Variants in LRP1B observed in about 807,000 individuals in gnomAD.
The protein encoded by LRP1B is low-density lipoprotein receptor-related protein 1B.
LRP1B carries 217 observed loss-of-function variants against 556.6 expected under a neutral mutation model. The observed-to-expected ratio is 0.39, with a 90% CI of 0.35 to 0.44. The LOEUF is 0.44. Ranked by LOEUF, LRP1B falls within the 20% of genes least tolerant of loss-of-function variation. The pLI, the probability that LRP1B is intolerant of heterozygous loss-of-function variation, is 1.00. For missense variants in LRP1B, 5,053 were observed against 5,620.8 expected (o/e 0.90, Z 3.23); for synonymous variants, 2,047 against 1,865.8 (o/e 1.10, Z -2.50).
At chr2:140,416,933 C>T (rs1252923938) in intron 66 of LRP1B, among the ~76,000 whole-genome samples, 1 of 152,142 alleles carries the variant, frequency 6.6e-6, no homozygotes, top group Non-Finnish European at 1.5e-5. Context: ...CTGAGAGCTT[C>T]TTTCAAAAAG....
intron 43 of LRP1B, among the ~76,000 whole-genome samples, chr2:140,587,215 T>C (rs1682022050): frequency 6.6e-6 from 1 of 152,088 alleles, no homozygotes. Context: ...CAGTGACCTG[T>C]GAGACTATAG....
chr2:140,317,821 G>A (rs773256274), intron 82 of LRP1B, among the ~76,000 whole-genome samples: 8 of 152,112 alleles, frequency 5.3e-5, no homozygotes, highest in African/African-American at 1.4e-4. Flanking sequence ...GGGCATGCGC[G>A]TTACTATAAC....
intron 2 of LRP1B, among the ~76,000 whole-genome samples, chr2:141,581,117 G>T (rs1206186367): frequency 1.3e-5 from 2 of 152,156 alleles, no homozygotes; most frequent in Non-Finnish European, 2.9e-5. Context: ...ATGCAAATAA[G>T]GCTTTTTGTT....
intron 1 of LRP1B, among the ~76,000 whole-genome samples, chr2:141,841,851 A>G (rs1463193167): frequency 1.3e-5 from 2 of 152,242 alleles, no homozygotes; most frequent in East Asian, 3.8e-4. Flanking sequence ...GTTAAGATAA[A>G]AAGCCACAAT....
chr2:140,540,053 C>T (rs1180254077), intron 45 of LRP1B, among the ~76,000 whole-genome samples: 1 of 151,958 alleles, frequency 6.6e-6, no homozygotes, highest in African/African-American at 2.4e-5. Flanking sequence ...CATTGAAGAG[C>T]AGGTAAGAGA....
In LRP1B at chr2:140,371,227, T is replaced by C; in HGVS notation, c.10827A>G (p.Ala3609=). The change falls in exon 70 of 91, where the codon GCA becomes GCG. Residue 3609 remains alanine, a synonymous_variant. Transcript: ENST00000389484. Reference sequence around the variant, plus strand: ...CATATTCTCCATTACATTTCAAAGATGCTGAAATACATCCATCACTGGCAC... The same window carrying C: ...CATATTCTCCATTACATTTCAAAGACGCTGAAATACATCCATCACTGGCAC... ...YICASDGCIS[A]SLKCNGEYDC... The C allele has an allele frequency of 1.3e-6, 2 of 1,598,116 alleles. No homozygotes were observed. Among genetic ancestry groups the C allele is most frequent in the South Asian group, 2.3e-5 (2 of 88,354 alleles).
chr2:141,894,622 C>A (rs1485481744), intron 1 of LRP1B, among the ~76,000 whole-genome samples: 1 of 150,712 alleles, frequency 6.6e-6, no homozygotes, highest in Non-Finnish European at 1.5e-5. Context: ...AGAGGATATT[C>A]TAAATAGAAT....
At chr2:141,934,679 AG>A (rs904627699) in intron 1 of LRP1B, among the ~76,000 whole-genome samples, 12 of 152,058 alleles carry the variant, frequency 7.9e-5, no homozygotes, top group African/African-American at 2.9e-4. Context: ...TTCTCATGAT[AG>A]TGAGCAAGTT....
At chr2:141,669,943 C>T (rs111860622) in intron 2 of LRP1B, among the ~76,000 whole-genome samples, 3 of 151,924 alleles carry the variant, frequency 2.0e-5, no homozygotes, top group African/African-American at 4.8e-5. Context: ...TTAGTACAGA[C>T]GGGGTTTCAC....
chr2:140,757,328 T>C (rs1322744912), intron 35 of LRP1B, among the ~76,000 whole-genome samples: 3 of 152,142 alleles, frequency 2.0e-5, no homozygotes, highest in Non-Finnish European at 4.4e-5. Flanking sequence ...AAAACATATG[T>C]CCACACAAAA....
chr2:140,276,073 A>C (rs1203814229), intron 84 of LRP1B, among the ~76,000 whole-genome samples: 2 of 151,998 alleles, frequency 1.3e-5, no homozygotes, highest in African/African-American at 4.8e-5. Context: ...TGTGTTTAGA[A>C]AATGCAGTTT....
At chr2:140,788,178 G>T (rs559772572) in intron 32 of LRP1B, among the ~76,000 whole-genome samples, 44 of 152,128 alleles carry the variant, frequency 2.9e-4, no homozygotes, top group Non-Finnish European at 5.6e-4. Flanking sequence ...AAATGGTAAG[G>T]ACAATAATTG....
At chr2:141,201,030 T>G (rs887006624) in intron 6 of LRP1B, among the ~76,000 whole-genome samples, 1 of 152,168 alleles carries the variant, frequency 6.6e-6, no homozygotes, top group African/African-American at 2.4e-5. Flanking sequence ...TCAAATATAA[T>G]AAGTCACTTT....
intron 3 of LRP1B, among the ~76,000 whole-genome samples, chr2:141,478,506 T>TTCTC (rs1682795088): frequency 7.0e-6 from 1 of 142,864 alleles, no homozygotes; most frequent in Non-Finnish European, 1.5e-5. Flanking sequence ...CTTTCCTTCT[T>TTCTC]TCCCTCCCTC....
chr2:140,920,340 A>T (rs1386848429), intron 21 of LRP1B, among the ~76,000 whole-genome samples: 5 of 152,006 alleles, frequency 3.3e-5, no homozygotes, highest in African/African-American at 1.2e-4. Context: ...TTAAAAACCT[A>T]CTGTGCCTAC....
intron 55 of LRP1B, among the ~76,000 whole-genome samples, chr2:140,496,099 T>A (rs1688915646): frequency 6.6e-6 from 1 of 152,204 alleles, no homozygotes; most frequent in African/African-American, 2.4e-5. Flanking sequence ...TTAGAATATT[T>A]TAGCAACTAT....
chr2:141,651,620 G>T (rs770874541), intron 2 of LRP1B, among the ~76,000 whole-genome samples: 4 of 152,134 alleles, frequency 2.6e-5, no homozygotes, highest in African/African-American at 9.7e-5. Context: ...AGCAGAGATC[G>T]TGCCATTGCA....
intron 3 of LRP1B, among the ~76,000 whole-genome samples, chr2:141,264,604 G>A (rs568381195): frequency 6.6e-6 from 1 of 151,996 alleles, no homozygotes; most frequent in South Asian, 2.1e-4. Context: ...ACAAGTGCCC[G>A]CCATCACACC....
chr2:141,117,101 T>G lies in LRP1B; in HGVS notation c.1014-54828A>C, dbSNP rs145351760. 3.5e-3 allele frequency among the ~76,000 whole-genome samples: 523 copies of G among 149,904 alleles called. 5 individuals are homozygous for G. Among genetic ancestry groups the G allele is most frequent in the East Asian group, 0.026 (135 of 5,182 alleles). ...AAATTCAGGAATGCCCCAAGTATCT[T>G]TTCATTTATCATTGACTTTTGTCAC... On this transcript the variant is annotated intron_variant, in intron 7 of 90. Coordinates refer to ENST00000389484, the MANE Select transcript of LRP1B (RefSeq NM_018557.3).
Sources: gnomAD v4.1 joint callset for allele counts (sites outside exome capture counted in the v4.1 genomes callset) on GRCh38, gnomAD v4.1.1 for gene constraint, MANE v1.5 for transcripts, NCBI Gene and HGNC (gene_info 2026-07-23, HGNC 2026-07-21) for gene names.